PDCD6IP: variants seen among roughly 807,000 people sequenced by gnomAD.
PDCD6IP encodes programmed cell death 6 interacting protein.
In PDCD6IP, 43 loss-of-function variants were observed where a neutral mutation model predicts 103.7. The observed-to-expected ratio is 0.41, with a 90% CI of 0.32 to 0.53. The LOEUF (loss-of-function observed/expected upper bound fraction) is 0.53. Ranked by LOEUF, PDCD6IP falls within the 20% of genes least tolerant of loss-of-function variation. The pLI is 0.16. For missense variants in PDCD6IP, 871 were observed against 1,036.7 expected, an observed-to-expected ratio of 0.84 and a Z score of 2.20; for synonymous variants, 354 against 378.7, an observed-to-expected ratio of 0.93 and a Z score of 0.76.
At chr3:33,802,716 C>T (rs1411730483) in intron 1 of PDCD6IP, among the ~76,000 whole-genome samples, 1 of 152,182 alleles carries the variant, frequency 6.6e-6, no homozygotes, top group Non-Finnish European at 1.5e-5. Flanking sequence ...TCTGGAACTC[C>T]TGACCTCGGG....
chr3:33,801,609 T>G (rs1696477594), intron 1 of PDCD6IP, among the ~76,000 whole-genome samples: 1 of 149,952 alleles, frequency 6.7e-6, no homozygotes, highest in African/African-American at 2.4e-5. Flanking sequence ...AACTACATAC[T>G]GAGACGCTGT....
At chr3:33,841,040 T>TC (rs201445391) in intron 9 of PDCD6IP, among the ~76,000 whole-genome samples, 5,718 of 150,454 alleles carry the variant, frequency 0.038, 375 homozygotes, top group African/African-American at 0.13. Flanking sequence ...TTTTTTTTTT[T>TC]CCCCCGAGAC....
chr3:33,825,283 C>G lies in PDCD6IP; in HGVS notation c.559C>G (p.Leu187Val). ...VDISPDTVGTLSLIMLAQAQE... is the reference protein window; with the variant it reads ...VDISPDTVGTVSLIMLAQAQE... ...CATATCTCCAGATACTGTTGGGACC[C>G]TCAGTCTTATTATGCTGGCACAGGC... Residue 187 changes from leucine to valine, a missense_variant, in exon 5 of 18, where the codon CTC becomes GTC. By Grantham distance (32) the Leu-to-Val change is conservative. Around this residue, in one of 5 missense-constraint regions of PDCD6IP, gnomAD observed 242 missense variants for 250.7 expected, o/e 0.97. Transcript: ENST00000307296. 1 of 1,613,442 alleles carries G rather than the reference C, an allele frequency of 6.2e-7. No homozygotes were observed. The highest frequency in any genetic ancestry group is 2.2e-5 in the East Asian group (1 of 44,840).
At position 33,855,389 on chromosome 3, in the gene PDCD6IP, TAGAG is replaced by T. The variant is rs1260439858; in HGVS notation, c.2120+130_2120+133del. 8 of 566,270 alleles carry T rather than the reference TAGAG, an allele frequency of 1.4e-5. No homozygotes were observed. The East Asian group carries it at 2.5e-4, about 17-fold the overall frequency. The allele number at this position is 566,270 out of a possible 1,614,324, so 35.1% of individuals were successfully genotyped here. ...TCTTCTCATGGAAGAAGGAACTAGATAGAGTATTTTACAAAGCAACAAGTAAACA... is the reference window on the plus strand; with the variant it reads ...TCTTCTCATGGAAGAAGGAACTAGATTATTTTACAAAGCAACAAGTAAACA... On this transcript the variant is annotated intron_variant, in intron 15 of 17. Transcript: ENST00000307296.
intron 7 of PDCD6IP, among the ~76,000 whole-genome samples, chr3:33,830,435 T>C (rs1421849889): frequency 6.6e-6 from 1 of 152,174 alleles, no homozygotes; most frequent in Non-Finnish European, 1.5e-5. Context: ...GAGAAAGAAC[T>C]CCTTTTGAAA....
At position 33,867,030 on chromosome 3, in the gene PDCD6IP, T is replaced by C. The variant is rs1698081029; in HGVS notation, c.*505T>C. On this transcript the variant is annotated 3_prime_UTR_variant, in exon 18 of 18. Coordinates refer to ENST00000307296, the MANE Select transcript of PDCD6IP (RefSeq NM_013374.6). The stretch of plus-strand genomic sequence containing the variant: ...CAGTTGTCATTGTTATGTTTTGTTA[T>C]TGATTCTCATTACTGTCTAATTTTT... 6.6e-6 allele frequency: 1 copy of C among 152,252 alleles called. No individual in the cohort carries two copies. Among genetic ancestry groups the C allele is most frequent in the African/African-American group, 2.4e-5 (1 of 41,466 alleles). The allele number at this position is 152,252 out of a possible 1,614,324, so 9.4% of individuals were successfully genotyped here. A position where few individuals can be genotyped will look rare whatever the true frequency, so the allele number is the denominator to read the frequency against.
At chr3:33,866,050 C>T (rs982989414) in intron 17 of PDCD6IP, among the ~76,000 whole-genome samples, 4 of 151,992 alleles carry the variant, frequency 2.6e-5, no homozygotes, top group African/African-American at 7.3e-5. Context: ...AGTTTTGCCA[C>T]GTTAAAATGA....
chr3:33,841,289 A>T (rs1697464194), intron 9 of PDCD6IP, among the ~76,000 whole-genome samples: 1 of 151,776 alleles, frequency 6.6e-6, no homozygotes, highest in Non-Finnish European at 1.5e-5. Context: ...GGGCCTCCCA[A>T]AGTGCTGGGA....
At chr3:33,866,226 C>A in intron 17 of PDCD6IP, 125 bp from the exon 18 acceptor site, 1 of 560,232 alleles carries the variant, frequency 1.8e-6, no homozygotes, top group Non-Finnish European at 2.9e-6. Context: ...TTTTTCACTC[C>A]ACTGTTCTTT....
intron 12 of PDCD6IP, among the ~76,000 whole-genome samples, chr3:33,846,127 A>G (rs758904441): frequency 1.6e-4 from 24 of 152,262 alleles, no homozygotes; most frequent in Non-Finnish European, 3.4e-4. Flanking sequence ...AAGTGCAAGT[A>G]TAATTTAATG....
chr3:33,865,329 G>A lies in PDCD6IP; in HGVS notation c.2331G>A (p.Val777=), dbSNP rs138472127. The change falls in exon 17 of 18, where the codon GTG becomes GTA. Residue 777 remains valine, a synonymous_variant. Coordinates refer to ENST00000307296, the MANE Select transcript of PDCD6IP (RefSeq NM_013374.6). ...RAPSATAPSP[V]GAGTAAPAPS... is the part of the protein sequence containing the mutation. ...CTTCTGCTACTGCTCCATCTCCAGTGGGGGCTGGGACTGCTGCGCCAGCTC... is the reference window on the plus strand; with the variant it reads ...CTTCTGCTACTGCTCCATCTCCAGTAGGGGCTGGGACTGCTGCGCCAGCTC... 3 of 1,595,922 alleles carry A rather than the reference G, an allele frequency of 1.9e-6. No homozygotes were observed. The highest frequency in any genetic ancestry group is 2.3e-5 in the East Asian group (1 of 42,722).
chr3:33,822,468 A>T (rs1287294419), intron 4 of PDCD6IP, among the ~76,000 whole-genome samples: 2 of 152,204 alleles, frequency 1.3e-5, no homozygotes, highest in Non-Finnish European at 2.9e-5. Context: ...GACACACTTG[A>T]AATTTCACTG....
chr3:33,860,932 A>T (rs939190255), intron 15 of PDCD6IP, among the ~76,000 whole-genome samples: 1 of 152,086 alleles, frequency 6.6e-6, no homozygotes, highest in African/African-American at 2.4e-5. Flanking sequence ...ATAAAACTAC[A>T]TCTATATGGT....
chr3:33,810,167 C>G (rs1196209516), intron 1 of PDCD6IP, among the ~76,000 whole-genome samples: 3 of 152,184 alleles, frequency 2.0e-5, no homozygotes, highest in Non-Finnish European at 4.4e-5. Context: ...ATATTATACT[C>G]TGAAAGGTAC....
chr3:33,806,325 G>A (rs1040173457), intron 1 of PDCD6IP, among the ~76,000 whole-genome samples: 2 of 151,918 alleles, frequency 1.3e-5, no homozygotes, highest in South Asian at 4.1e-4. Context: ...TATTCCTCAC[G>A]CTTAAAGGAG....
intron 13 of PDCD6IP, among the ~76,000 whole-genome samples, 186 bp downstream of exon 13, chr3:33,852,922 C>CTTTTTTTTTTT (rs1349679229): frequency 7.4e-6 from 1 of 134,642 alleles, no homozygotes. Flanking sequence ...AACAAAGTCA[C>CTTTTTTTTTTT]TTCTTTTTTT....
Position 33,866,230 on chromosome 3 carries a change from G to A in PDCD6IP, c.2433-121G>A, listed in dbSNP as rs1698061319. On this transcript the variant is annotated intron_variant, in intron 17 of 17. Transcript: ENST00000307296. ...TTGAAACAGTTTTTTTCACTCCACT[G>A]TTCTTTAATAGACTAAAAAATAGAA... The A allele has an allele frequency of 6.4e-6, 4 of 623,970 alleles. No individual in the cohort carries two copies. The South Asian group carries it at 9.8e-5, about 15-fold the overall frequency. 38.7% of individuals were successfully genotyped at this position (623,970 alleles called of 1,614,324 possible).
intron 12 of PDCD6IP, 59 bp from the exon 13 acceptor site, chr3:33,852,429 G>A (rs1018509379): frequency 6.9e-6 from 10 of 1,455,826 alleles, no homozygotes; most frequent in Admixed American, 3.0e-5. Context: ...TTTCCTTCTC[G>A]AAATTGGCTT....
At chr3:33,853,735 A>G in intron 13 of PDCD6IP, 144 bp from the exon 14 acceptor site, 2 of 725,816 alleles carry the variant, frequency 2.8e-6, no homozygotes, top group Non-Finnish European at 3.8e-6. Context: ...TGAGGCTTCA[A>G]AAGAGTGTAC....
Sources: gnomAD v4.1 joint callset for allele counts (sites outside exome capture counted in the v4.1 genomes callset) on GRCh38, gnomAD v4.1.1 for gene constraint, gnomAD v4.1.1 regional missense constraint, MANE v1.5 for transcripts, NCBI Gene and HGNC (gene_info 2026-07-23, HGNC 2026-07-21) for gene names.